Variants in HEATR6 observed in about 807,000 individuals in gnomAD.
HEATR6 encodes the protein HEAT repeat-containing protein 6.
Under a neutral mutation model 132.8 loss-of-function variants are expected in HEATR6, and 106 were observed. That is an observed-to-expected ratio of 0.80 (90% CI 0.68 to 0.94). HEATR6 has a LOEUF of 0.94. HEATR6 is among the 40% of genes least tolerant of loss of function. The probability of loss-of-function intolerance (pLI) is 0.00; values close to 1 mark genes in which losing one functional copy is unlikely to be tolerated. For missense variants in HEATR6, 1,339 were observed against 1,425.1 expected (o/e 0.94, Z 0.97); for synonymous variants, 529 against 537.8 (o/e 0.98, Z 0.23).
chr17:60,053,998 C>T (rs995518591), intron 14 of HEATR6, among the ~76,000 whole-genome samples: 1 of 152,222 alleles, frequency 6.6e-6, no homozygotes, highest in African/African-American at 2.4e-5. Flanking sequence ...CAGGTGCTAA[C>T]AGCCAAGACT....
At position 60,041,284 on chromosome 17, in the gene HEATR6, G is replaced by A. The variant is rs770250510; in HGVS notation, c.*2279C>T. ...GGATCTGGAAACCTTTACAGAAGCT[G>A]AAGTTTTAAAAAGAAAATGAATGGG... On this transcript the variant is annotated 3_prime_UTR_variant, in exon 20 of 20. Transcript: ENST00000184956. 2.0e-5 allele frequency among the ~76,000 whole-genome samples: 3 copies of A among 152,202 alleles called. No homozygotes were observed. The highest frequency in any genetic ancestry group is 4.4e-5 in the Non-Finnish European group (3 of 68,048).
chr17:60,045,740 G>A (rs1164335412), intron 19 of HEATR6, among the ~76,000 whole-genome samples: 1 of 152,114 alleles, frequency 6.6e-6, no homozygotes, highest in Non-Finnish European at 1.5e-5. Context: ...AGATCATTCT[G>A]TAGAAATTAT....
rs376068329 is a variant in HEATR6, at chr17:60,066,277, T to C, written c.1348A>G (p.Thr450Ala). ...GACTGTGGGCTGCCAAGTTCAGGCG[T>C]ATCAGGAATAAAAGCTGACCAGTAG... ...YGYWSAFIPDTPELGSPQSVS... is the reference protein window; with the variant it reads ...YGYWSAFIPDAPELGSPQSVS... Residue 450 changes from threonine to alanine, a missense_variant, in exon 9 of 20, where the codon ACG (threonine) becomes GCG (alanine). By Grantham distance (58) the Thr-to-Ala change is moderately conservative. Transcript: ENST00000184956. 2.4e-5 allele frequency: 39 copies of C among 1,613,992 alleles called. No individual in the cohort carries two copies. Among genetic ancestry groups the C allele is most frequent in the Non-Finnish European group, 2.8e-5 (33 of 1,179,976 alleles).
chr17:60,055,760 T>G (rs543086201), intron 13 of HEATR6, among the ~76,000 whole-genome samples, 159 bp from the exon 14 acceptor site: 2 of 152,150 alleles, frequency 1.3e-5, no homozygotes, highest in Non-Finnish European at 2.9e-5. Context: ...CACCTTCACT[T>G]TAGTAACACC....
In HEATR6 at chr17:60,069,772, T is replaced by C. The variant is rs1487574116; in HGVS notation, c.878A>G (p.Tyr293Cys). 4 of 1,614,078 alleles carry C rather than the reference T, an allele frequency of 2.5e-6. No individual in the cohort carries two copies. The highest frequency in any genetic ancestry group is 2.2e-5 in the East Asian group (1 of 44,876). Residue 293 changes from tyrosine to cysteine, a missense_variant, in exon 7 of 20, where the codon TAT becomes TGT. By Grantham distance (194) the Tyr-to-Cys change is radical. Transcript: ENST00000184956. Reference protein sequence around the residue: ...TVLYPTPLPQYDGRTPIKPQQ... With the variant: ...TVLYPTPLPQCDGRTPIKPQQ... ...TGGTTTGATAGGTGTTCGCCCATCA[T>C]ACTGAGGAAGCGGAGTTGGGTATAA...
Position 60,041,708 on chromosome 17 carries a change from C to A in HEATR6, c.*1855G>T, listed in dbSNP as rs948491164. ...TTGAGCCTTTAGTGAACTTGAATAC[C>A]CTGTTCCCCAATCACTGCCCAGAGA... On this transcript the variant is annotated 3_prime_UTR_variant, in exon 20 of 20. Coordinates refer to ENST00000184956, the MANE Select transcript of HEATR6 (RefSeq NM_022070.5). 6.6e-6 allele frequency among the ~76,000 whole-genome samples: 1 copy of A among 152,068 alleles called. No individual in the cohort carries two copies. Among genetic ancestry groups the A allele is most frequent in the African/African-American group, 2.4e-5 (1 of 41,386 alleles).
chr17:60,067,218 C>T (rs931835313), intron 8 of HEATR6, among the ~76,000 whole-genome samples: 4 of 145,240 alleles, frequency 2.8e-5, no homozygotes, highest in Admixed American at 7.1e-5. Flanking sequence ...TGCAGTGAGC[C>T]GAGATCCCGC....
intron 19 of HEATR6, among the ~76,000 whole-genome samples, chr17:60,045,423 T>C (rs1258813337): frequency 6.6e-6 from 1 of 152,210 alleles, no homozygotes; most frequent in Non-Finnish European, 1.5e-5. Context: ...CTCCGATCCA[T>C]ACACCTAAGC....
At chr17:60,053,995 T>C (rs1906663658) in intron 14 of HEATR6, among the ~76,000 whole-genome samples, 1 of 152,166 alleles carries the variant, frequency 6.6e-6, no homozygotes, top group Non-Finnish European at 1.5e-5. Flanking sequence ...AGCCAGGTGC[T>C]AACAGCCAAG....
At chr17:60,059,851 C>CAG in intron 10 of HEATR6, 39 bp downstream of exon 10, 1 of 1,484,194 alleles carries the variant, frequency 6.7e-7, no homozygotes, top group African/African-American at 1.4e-5. Context: ...AAAATTAAAA[C>CAG]AGAGAAGCCT....
chr17:60,070,022 G>C (rs1285752843), intron 6 of HEATR6, among the ~76,000 whole-genome samples, 174 bp from the exon 7 acceptor site: 1 of 152,180 alleles, frequency 6.6e-6, no homozygotes, highest in African/African-American at 2.4e-5. Context: ...ATACCTTGAA[G>C]GCATAGGGCT....
chr17:60,076,053 A>T (rs1358010371), intron 2 of HEATR6, 77 bp downstream of exon 2: 1 of 841,716 alleles, frequency 1.2e-6, no homozygotes, highest in Non-Finnish European at 2.0e-6. Context: ...CATACCTACT[A>T]CAGATGTAGT....
intron 8 of HEATR6, among the ~76,000 whole-genome samples, chr17:60,067,097 C>A (rs1488162186): frequency 6.6e-6 from 1 of 151,432 alleles, no homozygotes; most frequent in Admixed American, 6.6e-5. Context: ...GGTGAAACCC[C>A]GTCTCTACTA....
chr17:60,049,101 T>G (rs766693654), intron 16 of HEATR6, among the ~76,000 whole-genome samples: 4 of 141,092 alleles, frequency 2.8e-5, no homozygotes, highest in Non-Finnish European at 4.6e-5. Context: ...TATATATATG[T>G]AGAGAGAGAG....
Position 60,050,960 on chromosome 17 carries a change from A to G in HEATR6, c.2307T>C (p.Thr769=). ...APVFLVVMFW[T]MMLNGPLPRA... is the part of the protein sequence containing the mutation. ...TGGGTAAAGGACCGTTCAGCATCAT[A>G]GTCCAGAACATCACCACCTGGAACG... The change falls in exon 15 of 20, where the codon ACT becomes ACC. Residue 769 remains threonine (T), a synonymous_variant. Transcript: ENST00000184956. The G allele has an allele frequency of 6.2e-7, 1 of 1,614,190 alleles. No homozygotes were observed. Among genetic ancestry groups the G allele is most frequent in the Non-Finnish European group, 8.5e-7 (1 of 1,180,018 alleles).
chr17:60,048,229 G>A, intron 17 of HEATR6, 35 bp downstream of exon 17: 1 of 1,598,880 alleles, frequency 6.3e-7, no homozygotes, highest in Non-Finnish European at 8.6e-7. Context: ...CTCAATCTCA[G>A]AAGTCAGCTG....
At chr17:60,065,227 C>T (rs531003227) in intron 9 of HEATR6, among the ~76,000 whole-genome samples, 1 of 151,834 alleles carries the variant, frequency 6.6e-6, no homozygotes. Context: ...CATTTTTTTG[C>T]GTGTATATAA....
intron 14 of HEATR6, 54 bp from the exon 15 acceptor site, chr17:60,051,031 C>T: frequency 6.3e-7 from 1 of 1,598,014 alleles, no homozygotes; most frequent in Non-Finnish European, 8.6e-7. Context: ...GGGGAACCAA[C>T]TTGGAGCTAA....
intron 1 of HEATR6, 99 bp downstream of exon 1, chr17:60,078,597 C>T (rs540431930): frequency 1.7e-5 from 15 of 904,786 alleles, no homozygotes; most frequent in Non-Finnish European, 2.3e-5. Flanking sequence ...AATCATCAGG[C>T]GCGAGAGTGG....
Sources: gnomAD v4.1 joint callset for allele counts (sites outside exome capture counted in the v4.1 genomes callset) on GRCh38, gnomAD v4.1.1 for gene constraint, MANE v1.5 for transcripts, NCBI Gene and HGNC (gene_info 2026-07-23, HGNC 2026-07-21) for gene names.